SFI1: variants seen among roughly 807,000 people sequenced by gnomAD.
SFI1 encodes the protein protein SFI1 homolog.
SFI1 carries 195 observed loss-of-function variants against 207.5 expected under a neutral mutation model. The observed-to-expected ratio is 0.94, with a 90% CI of 0.84 to 1.06. SFI1 has a LOEUF of 1.06. Among genes scored for constraint, SFI1 ranks in the 50% least tolerant of loss-of-function variants. The pLI, the probability that SFI1 is intolerant of heterozygous loss-of-function variation, is 0.00. For synonymous variants in SFI1, 630 were observed against 598.9 expected, an observed-to-expected ratio of 1.05 and a Z score of -0.76; for missense variants, 1,634 against 1,588.0, an observed-to-expected ratio of 1.03 and a Z score of -0.49.
At chr22:31,555,782 AG>A (rs2061103072) in intron 6 of SFI1, among the ~76,000 whole-genome samples, 1 of 152,176 alleles carries the variant, frequency 6.6e-6, no homozygotes, top group Admixed American at 6.6e-5. Flanking sequence ...GCACTATACT[AG>A]TCCTGATTAC....
At position 31,584,758 on chromosome 22, in the gene SFI1, GA is replaced by G. The variant is rs574154135; in HGVS notation, c.1347-307del. On this transcript the variant is annotated intron_variant, in intron 13 of 32. Transcript: ENST00000400288. Reference sequence around the variant, plus strand: ...TCGTGGACCCCCAGCGTTTGGCCATGAAACCAGAAAGTTCAGGATATCTAGG... The same window carrying G: ...TCGTGGACCCCCAGCGTTTGGCCATGAACCAGAAAGTTCAGGATATCTAGG... Among the ~76,000 whole-genome samples the G allele has an allele frequency of 2.3e-3, 352 of 152,186 alleles. 1 individual carries two copies. The highest frequency in any genetic ancestry group is 5.4e-4 in the Non-Finnish European group (37 of 68,024).
At chr22:31,570,148 A>T (rs558513099) in intron 8 of SFI1, among the ~76,000 whole-genome samples, 2 of 151,834 alleles carry the variant, frequency 1.3e-5, no homozygotes, top group East Asian at 3.9e-4. Flanking sequence ...AAATAAATAA[A>T]TAAATCAGAG....
intron 3 of SFI1, chr22:31,530,675 A>T (rs1355040842): frequency 2.1e-6 from 1 of 469,788 alleles, no homozygotes; most frequent in Admixed American, 2.4e-5. Context: ...GAGGGGTTTG[A>T]ACAGAGTGCT....
At chr22:31,505,045 C>T (rs1214716710) in intron 1 of SFI1, among the ~76,000 whole-genome samples, 1 of 151,876 alleles carries the variant, frequency 6.6e-6, no homozygotes, top group African/African-American at 2.4e-5. Context: ...ATTCCTGGCA[C>T]TAAAAGAAAA....
chr22:31,506,718 G>A (rs2054699954), intron 1 of SFI1, among the ~76,000 whole-genome samples: 1 of 151,984 alleles, frequency 6.6e-6, no homozygotes, highest in Non-Finnish European at 1.5e-5. Flanking sequence ...ACCAACAACA[G>A]GCAAGCAGAG....
rs1274028043 is a variant in SFI1 at position 31,550,245 on chromosome 22, G to A, written c.450-9G>A. On this transcript the variant is annotated splice_polypyrimidine_tract_variant and intron_variant, in intron 5 of 32. Transcript: ENST00000400288. ...GAAGAAATGCCATTTACTTTTTTTG[G>A]CTCCTCAGGTATTACCTGTACAACC... The A allele has an allele frequency of 3.1e-6, 5 of 1,610,348 alleles. No homozygotes were observed. In the South Asian group the frequency reaches 5.5e-5, roughly 18 times the overall value.
intron 6 of SFI1, among the ~76,000 whole-genome samples, chr22:31,552,081 C>CTT (rs1292338085): frequency 6.6e-6 from 1 of 152,138 alleles, no homozygotes; most frequent in Admixed American, 6.6e-5. Flanking sequence ...ACCTTTATGT[C>CTT]TGTGTGTACC....
At chr22:31,552,828 C>T (rs2060745957) in intron 6 of SFI1, among the ~76,000 whole-genome samples, 1 of 151,822 alleles carries the variant, frequency 6.6e-6, no homozygotes. Context: ...CACGTGCATG[C>T]CAACATCTGT....
chr22:31,559,162 C>T (rs2061439344), intron 7 of SFI1, among the ~76,000 whole-genome samples: 1 of 152,072 alleles, frequency 6.6e-6, no homozygotes, highest in Non-Finnish European at 1.5e-5. Context: ...GGGACTCATG[C>T]CTGTAATCCC....
intron 24 of SFI1, 180 bp downstream of exon 24, chr22:31,612,020 T>G: frequency 4.3e-6 from 6 of 1,403,970 alleles, no homozygotes; most frequent in Non-Finnish European, 5.6e-6. Flanking sequence ...TCCTTCCGTC[T>G]GCAGTCTGCA....
chr22:31,597,981 G>T (rs1242866884), intron 15 of SFI1, among the ~76,000 whole-genome samples: 2 of 144,124 alleles, frequency 1.4e-5, no homozygotes, highest in African/African-American at 5.1e-5. Flanking sequence ...GTTTTCATAG[G>T]TTTTTTTTTT....
chr22:31,599,889 T>TC (rs2146924288), intron 15 of SFI1, among the ~76,000 whole-genome samples: 1 of 152,172 alleles, frequency 6.6e-6, no homozygotes, highest in East Asian at 1.9e-4. Context: ...TATTTTTTTT[T>TC]TTTTTAAGAA....
intron 8 of SFI1, among the ~76,000 whole-genome samples, chr22:31,564,575 GC>G (rs1413004559): frequency 3.1e-4 from 47 of 151,986 alleles, no homozygotes; most frequent in African/African-American, 1.1e-3. Flanking sequence ...TACCATCATG[GC>G]TCACTGTAGT....
intron 10 of SFI1, among the ~76,000 whole-genome samples, chr22:31,576,281 T>C (rs1302002720): frequency 2.0e-5 from 3 of 150,506 alleles, no homozygotes; most frequent in Non-Finnish European, 4.4e-5. Flanking sequence ...CACCTCAGCC[T>C]CCCGAAGTGC....
At chr22:31,612,398 A>AATATATATATATATATATATATATAT (rs57948429) in intron 24 of SFI1, 1 of 60,194 alleles carries the variant, frequency 1.7e-5, no homozygotes, top group Non-Finnish European at 3.0e-5. Context: ...AAAAAAAAAA[A>AATATATATATATATATATATATATAT]ATATATATAT....
At chr22:31,547,936 C>T (rs1246429923) in intron 5 of SFI1, among the ~76,000 whole-genome samples, 4 of 146,954 alleles carry the variant, frequency 2.7e-5, no homozygotes, top group South Asian at 2.4e-4. Context: ...AAATTGTGGC[C>T]GGGCATGGTG....
At chr22:31,549,288 T>TG (rs1396283744) in intron 5 of SFI1, among the ~76,000 whole-genome samples, 1 of 37,222 alleles carries the variant, frequency 2.7e-5, no homozygotes, top group Non-Finnish European at 4.7e-5. Flanking sequence ...AGACCCTGTG[T>TG]AAAAAAAAAA....
chr22:31,575,772 A>G (rs2063414522), intron 10 of SFI1, among the ~76,000 whole-genome samples: 2 of 152,176 alleles, frequency 1.3e-5, no homozygotes, highest in African/African-American at 4.8e-5. Flanking sequence ...TAGGTGGTGG[A>G]AATAGCCACC....
chr22:31,597,521 G>C (rs563212669), intron 15 of SFI1, among the ~76,000 whole-genome samples: 61 of 152,282 alleles, frequency 4.0e-4, no homozygotes, highest in Non-Finnish European at 7.3e-4. Flanking sequence ...AAGTCAGTCT[G>C]TCTCTCTGAG....
Sources: gnomAD v4.1 joint callset for allele counts (sites outside exome capture counted in the v4.1 genomes callset) on GRCh38, gnomAD v4.1.1 for gene constraint, MANE v1.5 for transcripts, NCBI Gene and HGNC (gene_info 2026-07-23, HGNC 2026-07-21) for gene names.